The following ANKRD60 variants were observed in gnomAD, a reference collection of about 807,000 sequenced individuals.
ANKRD60 encodes ankyrin repeat domain 60, also known as ankyrin repeat domain-containing protein 60.
A neutral mutation model predicts 21.3 loss-of-function variants in ANKRD60; 24 were observed. That is an observed-to-expected ratio of 1.13 (90% CI 0.82 to 1.59). The LOEUF (loss-of-function observed/expected upper bound fraction) is 1.59. Among genes scored for constraint, ANKRD60 ranks in the 40% most tolerant of loss-of-function variants. The probability of loss-of-function intolerance (pLI) is 0.00; values close to 1 mark genes in which losing one functional copy is unlikely to be tolerated. For missense variants in ANKRD60, 490 were observed against 466.7 expected, an observed-to-expected ratio of 1.05 and a Z score of -0.46; for synonymous variants, 182 against 199.4, an observed-to-expected ratio of 0.91 and a Z score of 0.74.
chr20:58,220,057 A>G (rs1300357661), intron 3 of ANKRD60, among the ~76,000 whole-genome samples: 1 of 152,180 alleles, frequency 6.6e-6, no homozygotes, highest in East Asian at 1.9e-4. Flanking sequence ...GATGTTTTCC[A>G]CTTTGCTTGG....
At chr20:58,216,807 C>G (rs987038407), downstream of ANKRD60, among the ~76,000 whole-genome samples, 1 of 152,134 alleles carries the variant, frequency 6.6e-6, no homozygotes, top group African/African-American at 2.4e-5. Flanking sequence ...TTTCCCATTC[C>G]CAGGAAAACT....
chr20:58,227,655 G>C (rs936129840), intron 1 of ANKRD60, among the ~76,000 whole-genome samples: 2 of 152,154 alleles, frequency 1.3e-5, no homozygotes, highest in Non-Finnish European at 2.9e-5. Context: ...TTCAGGTTTG[G>C]CATGCTTGCG....
intron 1 of ANKRD60, among the ~76,000 whole-genome samples, chr20:58,226,575 G>C (rs1288294748): frequency 2.0e-5 from 3 of 152,170 alleles, no homozygotes; most frequent in Non-Finnish European, 4.4e-5. Context: ...GGTTTTGTTT[G>C]AACCTTGACT....
intron 1 of ANKRD60, among the ~76,000 whole-genome samples, chr20:58,223,770 A>G (rs1325867947): frequency 6.6e-6 from 1 of 151,990 alleles, no homozygotes; most frequent in Non-Finnish European, 1.5e-5. Context: ...GCCTCTACCC[A>G]CTAGATGCTA....
downstream of ANKRD60, among the ~76,000 whole-genome samples, chr20:58,217,866 TC>T (rs1156840977): frequency 1.3e-5 from 2 of 152,074 alleles, no homozygotes; most frequent in Non-Finnish European, 2.9e-5. Flanking sequence ...TTACACTGTT[TC>T]CTCCCCATCT....
intron 2 of ANKRD60, 59 bp from the exon 3 acceptor site, chr20:58,221,562 C>T (rs577951757): frequency 1.6e-5 from 25 of 1,522,476 alleles, no homozygotes; most frequent in South Asian, 8.5e-5. Flanking sequence ...TTTTGCTGGA[C>T]GGCTGATGGG....
At chr20:58,226,795 A>G (rs2122814249) in intron 1 of ANKRD60, among the ~76,000 whole-genome samples, 1 of 152,122 alleles carries the variant, frequency 6.6e-6, no homozygotes, top group South Asian at 2.1e-4. Context: ...TGCCTTTTAG[A>G]TGTGAGCAGA....
exon 4 of ANKRD60, chr20:58,218,508 A>G: frequency 1.9e-6 from 3 of 1,550,970 alleles, no homozygotes; most frequent in Non-Finnish European, 2.6e-6. Context: ...ATGAGGGGTC[A>G]TCGTCATCTT....
chr20:58,225,511 G>A (rs568454490), intron 1 of ANKRD60, among the ~76,000 whole-genome samples: 1 of 152,282 alleles, frequency 6.6e-6, no homozygotes, highest in Non-Finnish European at 1.5e-5. Flanking sequence ...GAGAGAAAAG[G>A]AAGGTATTTT....
chr20:58,220,688 G>A (rs1481856600), intron 3 of ANKRD60, among the ~76,000 whole-genome samples: 2 of 8,472 alleles, frequency 2.4e-4, no homozygotes, highest in African/African-American at 3.1e-4. Flanking sequence ...TTTCTAGTGT[G>A]TGTGTGTGTG....
rs538896075 is a variant in ANKRD60, at chr20:58,222,005, G to C, written c.562-502C>G. Among the ~76,000 whole-genome samples the C allele has an allele frequency of 8.5e-5, 13 of 152,282 alleles. No individual in the cohort carries two copies. The East Asian group carries it at 1.5e-3, about 18-fold the overall frequency. On this transcript the variant is annotated intron_variant, in intron 2 of 3. Transcript: ENST00000457363. ...CCACCTCGTGGTGAATTAAGTCTTT[G>C]AGCCTGGGAGGAAGGCTACGGGTTC...
intron 3 of ANKRD60, among the ~76,000 whole-genome samples, chr20:58,219,351 T>A (rs1984197960): frequency 6.6e-6 from 1 of 152,222 alleles, no homozygotes; most frequent in South Asian, 2.1e-4. Context: ...CAACACTGTG[T>A]ACATCATTGA....
chr20:58,223,478 A>G (rs1175172466), intron 1 of ANKRD60, among the ~76,000 whole-genome samples: 2 of 152,226 alleles, frequency 1.3e-5, no homozygotes, highest in African/African-American at 4.8e-5. Context: ...CAGTAAAGTC[A>G]TTTTATGAGG....
chr20:58,228,405 C>G lies in ANKRD60; in HGVS notation c.249G>C (p.Ala83=). 3.9e-6 allele frequency: 6 copies of G among 1,544,074 alleles called. No individual in the cohort carries two copies. The highest frequency in any genetic ancestry group is 5.2e-6 in the Non-Finnish European group (6 of 1,146,366). The change falls in exon 1 of 4, where the codon GCG becomes GCC. Residue 83 remains alanine (A), a synonymous_variant. Coordinates refer to ENST00000457363, the Ensembl canonical transcript of ANKRD60. This position sits in a 1 kb window ranked among gnomAD's most constrained non-coding sequence, Gnocchi z 5.3. ...CAGGGGCCAAGTCGGGCAAGGCACT[C>G]GCGGCCTTCGGGTCACAGACGAGCC...
rs1221807979 is a variant in ANKRD60 at position 58,219,304 on chromosome 20, C to T, written c.728-499G>A. 1.3e-5 allele frequency among the ~76,000 whole-genome samples: 2 copies of T among 152,220 alleles called. 1 individual carries two copies. Among genetic ancestry groups the T allele is most frequent in the Admixed American group, 1.3e-4 (2 of 15,280 alleles). ...TCCTTAGTTCTCCCACCCCATGAAA[C>T]CTCCTGTGTAAGCTCAATAGACACT... On this transcript the variant is annotated intron_variant, in intron 3 of 3. Coordinates refer to ENST00000457363, the Ensembl canonical transcript of ANKRD60.
exon 3 of ANKRD60, chr20:58,221,471 G>C (rs1055714651): frequency 6.4e-7 from 1 of 1,551,928 alleles, no homozygotes; most frequent in Non-Finnish European, 8.7e-7. Context: ...CGGTTCGGTA[G>C]AAGGAATCTT....
chr20:58,221,468 G>A (rs1203912784), exon 3 of ANKRD60: 13 of 1,551,822 alleles, frequency 8.4e-6, no homozygotes, highest in Middle Eastern at 1.7e-4. Context: ...TTGCGGTTCG[G>A]TAGAAGGAAT....
chr20:58,223,130 C>A (rs1269085150), exon 2 of ANKRD60: 3 of 1,551,592 alleles, frequency 1.9e-6, no homozygotes, highest in Admixed American at 2.0e-5. Flanking sequence ...ATGAAATAAT[C>A]CCTCCAGGAA....
intron 1 of ANKRD60, among the ~76,000 whole-genome samples, chr20:58,224,138 C>G (rs544720427): frequency 2.6e-5 from 4 of 151,638 alleles, no homozygotes; most frequent in Non-Finnish European, 4.4e-5. Context: ...ACCAAATGGG[C>G]TCTGGGGGAC....
Sources: allele counts gnomAD v4.1 joint callset (sites outside exome capture counted in the v4.1 genomes callset), GRCh38; gene constraint gnomAD v4.1.1; non-coding constraint Gnocchi (gnomAD v3.1); transcripts MANE v1.5; gene names NCBI Gene and HGNC (gene_info 2026-07-23, HGNC 2026-07-21).